The following EFHC2 variants were observed in gnomAD, a reference collection of about 807,000 sequenced individuals.
EFHC2 encodes the protein EF-hand domain-containing family member C2.
In EFHC2, 18 loss-of-function variants were observed where a neutral mutation model predicts 52.7. The ratio of observed to expected loss-of-function variants is 0.34; its 90% CI spans 0.24 to 0.51. EFHC2 has a LOEUF of 0.51. Ranked by LOEUF, EFHC2 falls within the 20% of genes least tolerant of loss-of-function variation. The pLI is 0.97. For missense variants in EFHC2, 513 were observed against 562.5 expected (o/e 0.91, Z 0.89); for synonymous variants, 203 against 204.1 (o/e 0.99, Z 0.04).
chrX:44,305,078 A>G (rs2037895229), intron 2 of EFHC2, among the ~76,000 whole-genome samples: 1 of 109,671 alleles, frequency 9.1e-6, no homozygotes, highest in South Asian at 4.0e-4. Flanking sequence ...CCTGGTCAAC[A>G]TGGCGAAATC....
At chrX:44,269,185 G>T (rs2037599464) in intron 3 of EFHC2, among the ~76,000 whole-genome samples, 1 of 110,774 alleles carries the variant, frequency 9.0e-6, no homozygotes, top group Admixed American at 9.7e-5. Flanking sequence ...TCCATTTCTA[G>T]TCTTGACTTT....
At chrX:44,261,015 T>C in intron 4 of EFHC2, 60 bp downstream of exon 4, 1 of 1,026,634 alleles carries the variant, frequency 9.7e-7, no homozygotes. Flanking sequence ...CACCCTTTAC[T>C]GACTTTCCAA....
At chrX:44,335,129 G>A (rs1478574222) in intron 1 of EFHC2, among the ~76,000 whole-genome samples, 2 of 110,363 alleles carry the variant, frequency 1.8e-5, no homozygotes, top group Non-Finnish European at 3.8e-5. Context: ...AAAAGACTGT[G>A]TAGATTATGC....
rs752972883 is a variant in EFHC2 at position 44,148,771 on chromosome X, G to C, written c.*24C>G. 8 of 1,125,848 alleles carry C rather than the reference G, an allele frequency of 7.1e-6. No individual in the cohort carries two copies. The highest frequency in any genetic ancestry group is 8.3e-6 in the Non-Finnish European group (7 of 842,473). 92.8% of individuals were successfully genotyped at this position (1,125,848 alleles called of 1,213,427 possible). A position where few individuals can be genotyped will look rare whatever the true frequency, so the allele number is the denominator to read the frequency against. ...GGCAAAATGAGAGAAGTAAATCATA[G>C]AGAATTGACCAAAACTGGCATGGTT... On this transcript the variant is annotated 3_prime_UTR_variant, in exon 15 of 15. Coordinates refer to ENST00000420999, the MANE Select transcript of EFHC2 (RefSeq NM_025184.4).
At chrX:44,285,052 T>A (rs921751998) in intron 2 of EFHC2, 4 of 111,725 alleles carry the variant, frequency 3.6e-5, no homozygotes, top group African/African-American at 1.3e-4. Flanking sequence ...GTCCTTGGCA[T>A]GACTACACCA....
rs747627046 is a variant in EFHC2, at chrX:44,178,475, C to T, written c.1841G>A (p.Cys614Tyr). 1 of 1,207,594 alleles carries T rather than the reference C, an allele frequency of 8.3e-7. No homozygotes were observed. Among genetic ancestry groups the T allele is most frequent in the South Asian group, 1.8e-5 (1 of 55,533 alleles). Reference protein sequence around the residue: ...ARHYRVPEGTCSDMDFLIALA... With the variant: ...ARHYRVPEGTYSDMDFLIALA... ...TGCGATTAAGAAATCCATATCTGAA[C>T]ATGTGCCCTCAGGCACACGGTAGTG... Residue 614 changes from cysteine to tyrosine, a missense_variant, in exon 12 of 15, where the codon TGT (cysteine) becomes TAT (tyrosine). Cys to Tyr is a radical substitution (Grantham distance 194). Transcript: ENST00000420999.
intron 11 of EFHC2, among the ~76,000 whole-genome samples, chrX:44,196,252 G>T (rs764441738): frequency 2.2e-4 from 25 of 111,568 alleles, no homozygotes; most frequent in Non-Finnish European, 3.2e-4. Flanking sequence ...ACGGATCATG[G>T]TCTCCTATTT....
chrX:44,206,655 T>G (rs1356472192), intron 11 of EFHC2, among the ~76,000 whole-genome samples: 1 of 111,373 alleles, frequency 9.0e-6, no homozygotes, highest in Non-Finnish European at 1.9e-5. Flanking sequence ...AATCAAAGGG[T>G]GAGATACCCC....
chrX:44,167,640 G>A (rs1318964120), intron 13 of EFHC2, among the ~76,000 whole-genome samples: 1 of 112,249 alleles, frequency 8.9e-6, no homozygotes, highest in South Asian at 3.7e-4. Flanking sequence ...GCTTGAACGA[G>A]TTCATCTTTC....
At chrX:44,189,122 CAAAAA>C (rs35770665) in intron 11 of EFHC2, among the ~76,000 whole-genome samples, 2 of 46,390 alleles carry the variant, frequency 4.3e-5, no homozygotes, top group African/African-American at 7.8e-5. Context: ...GACTCTATCT[CAAAAA>C]AAAAAAAAAA....
intron 10 of EFHC2, among the ~76,000 whole-genome samples, chrX:44,231,189 T>C (rs975385740): frequency 4.6e-4 from 51 of 112,025 alleles, no homozygotes; most frequent in African/African-American, 1.6e-3. Flanking sequence ...AGAGAGACCC[T>C]GTGGAGAAGA....
At chrX:44,237,491 C>G (rs2037329153) in intron 8 of EFHC2, among the ~76,000 whole-genome samples, 1 of 111,399 alleles carries the variant, frequency 9.0e-6, no homozygotes, top group South Asian at 3.8e-4. Flanking sequence ...ATTATAAGTT[C>G]CTAGGTCAAG....
intron 1 of EFHC2, among the ~76,000 whole-genome samples, chrX:44,341,123 C>T (rs2038149065): frequency 8.9e-6 from 1 of 112,009 alleles, no homozygotes; most frequent in Admixed American, 9.5e-5. Context: ...ATCTAACGAA[C>T]ATACTGTTGA....
At chrX:44,322,620 G>C (rs2038028369) in intron 1 of EFHC2, among the ~76,000 whole-genome samples, 1 of 112,069 alleles carries the variant, frequency 8.9e-6, no homozygotes, top group South Asian at 3.7e-4. Flanking sequence ...CCAGAGGCTT[G>C]CCATGTCTAA....
At chrX:44,307,948 A>T (rs141335425) in intron 2 of EFHC2, among the ~76,000 whole-genome samples, 3,687 of 103,993 alleles carry the variant, frequency 0.035, 56 homozygotes, top group South Asian at 0.13. Context: ...AAAAAAAAAA[A>T]TTTTGTTTCG....
chrX:44,225,322 G>A (rs1041871356), intron 11 of EFHC2, among the ~76,000 whole-genome samples: 1 of 110,623 alleles, frequency 9.0e-6, no homozygotes, highest in Non-Finnish European at 1.9e-5. Context: ...ATTCCATCAG[G>A]TCTATTCTGA....
At chrX:44,224,040 C>T (rs1277385615) in intron 11 of EFHC2, among the ~76,000 whole-genome samples, 1 of 111,999 alleles carries the variant, frequency 8.9e-6, no homozygotes, top group Non-Finnish European at 1.9e-5. Flanking sequence ...TAAAGGACAG[C>T]AATAGGGTAG....
chrX:44,262,320 T>A (rs2037544956), intron 3 of EFHC2, among the ~76,000 whole-genome samples: 1 of 105,380 alleles, frequency 9.5e-6, no homozygotes, highest in Non-Finnish European at 2.0e-5. Context: ...CATGGCAAAA[T>A]CCTGTCTCTA....
At chrX:44,279,886 G>A (rs1569299762) in intron 2 of EFHC2, among the ~76,000 whole-genome samples, 1 of 109,758 alleles carries the variant, frequency 9.1e-6, no homozygotes, top group Non-Finnish European at 1.9e-5. Context: ...GACGTACCAT[G>A]AAAAAAAAGT....
Sources: allele counts gnomAD v4.1 joint callset (sites outside exome capture counted in the v4.1 genomes callset), GRCh38; gene constraint gnomAD v4.1.1; transcripts MANE v1.5; gene names NCBI Gene and HGNC (gene_info 2026-07-23, HGNC 2026-07-21).